The following PSD variants were observed in gnomAD, a reference collection of about 807,000 sequenced individuals.
PSD encodes the protein pleckstrin and Sec7 domain containing, also known as PH and SEC7 domain-containing protein 1.
A neutral mutation model predicts 91.6 loss-of-function variants in PSD; 32 were observed. The observed-to-expected ratio is 0.35, with a 90% CI of 0.26 to 0.47. The LOEUF (loss-of-function observed/expected upper bound fraction) is 0.47. PSD is among the 20% of genes least tolerant of loss of function. The pLI is 1.00. For missense variants in PSD, 1,099 were observed against 1,373.9 expected (o/e 0.80, Z 3.16); for synonymous variants, 532 against 569.3 (o/e 0.93, Z 0.93).
rs775237221 is a variant in PSD, at chr10:102,414,995, G to A, written c.992C>T (p.Pro331Leu). 4 of 1,604,684 alleles carry A rather than the reference G, an allele frequency of 2.5e-6. No homozygotes were observed. The highest frequency in any genetic ancestry group is 4.5e-5 in the East Asian group (2 of 44,648). The change falls in exon 4 of 17, where the codon CCT (proline) becomes CTT (leucine). Residue 331 changes from proline (P) to leucine (L), a missense_variant. Physicochemically the swap from Pro to Leu is moderately conservative, Grantham distance 98. This residue lies in a region of PSD where 631 missense variants were observed against 728.8 expected (regional missense o/e 0.87). Transcript: ENST00000020673. The surrounding 1 kb of genome is among the most constrained non-coding windows in gnomAD (Gnocchi z 5.6). ...SEGPPGTAYP[P>L]APRPGPLPGP... is the part of the protein sequence containing the mutation. ...AGGGAGTGGGCCGGGCCGTGGGGCAGGTGGGTAGGCAGTGCCTGGTGGGCC... is the reference window on the plus strand; with the variant it reads ...AGGGAGTGGGCCGGGCCGTGGGGCAAGTGGGTAGGCAGTGCCTGGTGGGCC...
chr10:102,403,747 C>G lies in PSD; in HGVS notation c.2844+95G>C, dbSNP rs1205673276. The stretch of plus-strand genomic sequence containing the variant: ...TGAGGCTTAGGTTAAGCAACCTGCC[C>G]AAGGACCTCCGGCCGGTTCCACTGT... On this transcript the variant is annotated intron_variant, in intron 16 of 16. Transcript: ENST00000020673. The surrounding 1 kb of genome is among the most constrained non-coding windows in gnomAD (Gnocchi z 6.7). 2 of 1,465,222 alleles carry G rather than the reference C, an allele frequency of 1.4e-6. No individual in the cohort carries two copies. Among genetic ancestry groups the G allele is most frequent in the African/African-American group, 2.8e-5 (2 of 71,326 alleles). 90.8% of individuals were successfully genotyped at this position (1,465,222 alleles called of 1,614,324 possible). A position where few individuals can be genotyped will look rare whatever the true frequency, so the allele number is the denominator to read the frequency against.
Position 102,405,151 on chromosome 10 carries a change from C to A in PSD, c.2397+32G>T, listed in dbSNP as rs776338647. 7 of 1,610,388 alleles carry A rather than the reference C, an allele frequency of 4.3e-6. No individual in the cohort carries two copies. Among genetic ancestry groups the A allele is most frequent in the Non-Finnish European group, 5.9e-6 (7 of 1,179,528 alleles). On this transcript the variant is annotated intron_variant, in intron 13 of 16. Coordinates refer to ENST00000020673, the MANE Select transcript of PSD (RefSeq NM_002779.5). This position sits in a 1 kb window ranked among gnomAD's most constrained non-coding sequence, Gnocchi z 5.4. ...CCCCACACCCACCAGCCAACTCAGT[C>A]CCAGCCCCAGCCCCCTGGCCTGACC...
chr10:102,418,662 C>T (rs1236960568), intron 1 of PSD, 39 bp downstream of exon 1: 2 of 453,358 alleles, frequency 4.4e-6, no homozygotes, highest in South Asian at 3.1e-5. Context: ...CCAGCGCATA[C>T]CCGGTGCAGC....
At chr10:102,418,505 T>A (rs971704931) in intron 1 of PSD, among the ~76,000 whole-genome samples, 196 bp downstream of exon 1, 49 of 152,060 alleles carry the variant, frequency 3.2e-4, no homozygotes, top group African/African-American at 1.2e-3. Context: ...CATATTCCTC[T>A]CCTCTCCCTC....
intron 7 of PSD, 56 bp downstream of exon 7, chr10:102,412,091 G>C: frequency 6.5e-7 from 1 of 1,543,696 alleles, no homozygotes; most frequent in African/African-American, 1.4e-5. Flanking sequence ...GGCATCCTGG[G>C]GCCCTAACAC....
chr10:102,417,066 G>T lies in PSD; in HGVS notation c.-28C>A. On this transcript the variant is annotated 5_prime_UTR_variant, in exon 2 of 17. Transcript: ENST00000020673. ...TGGGGCCGGGGGTCAGGCTGGGGGG[G>T]CAGGGATGGCGAGGCCAGGCGGGGA... 3 of 1,348,088 alleles carry T rather than the reference G, an allele frequency of 2.2e-6. No homozygotes were observed. The highest frequency in any genetic ancestry group is 3.0e-6 in the Non-Finnish European group (3 of 986,340). 83.5% of individuals were successfully genotyped at this position (1,348,088 alleles called of 1,614,324 possible).
intron 1 of PSD, among the ~76,000 whole-genome samples, chr10:102,418,171 C>CA (rs749426633): frequency 7.4e-6 from 1 of 134,530 alleles, no homozygotes; most frequent in Non-Finnish European, 1.7e-5. Context: ...CACACACAGA[C>CA]ACACACACAC....
Position 102,405,423 on chromosome 10 carries a change from G to A in PSD, c.2249C>T (p.Thr750Ile). The A allele has an allele frequency of 6.2e-7, 1 of 1,613,660 alleles. No homozygotes were observed. The highest frequency in any genetic ancestry group is 1.1e-5 in the South Asian group (1 of 91,066). The change falls in exon 12 of 17, where the codon ACT (threonine) becomes ATT (isoleucine). Residue 750 changes from threonine (T) to isoleucine (I), a missense_variant. This residue lies in a region of PSD where 358 missense variants were observed against 426.5 expected (regional missense o/e 0.84). Transcript: ENST00000020673. This position sits in a 1 kb window ranked among gnomAD's most constrained non-coding sequence, Gnocchi z 5.4. ...GSGSSPFLDLTPEPGAAVYKH... is the reference protein window; with the variant it reads ...GSGSSPFLDLIPEPGAAVYKH... ...GTAGACGGCAGCCCCAGGCTCGGGA[G>A]TCAGGTCCAGGAAAGGGCTGGAGCC...
chr10:102,419,297 C>T (rs993473509), upstream of PSD: 2 of 153,576 alleles, frequency 1.3e-5, no homozygotes, highest in Non-Finnish European at 2.9e-5. The surrounding 1 kb of genome is among the most constrained non-coding windows in gnomAD (Gnocchi z 4.8). Flanking sequence ...TTTTGAGTCT[C>T]GGACCCAGGA....
chr10:102,411,365 C>G (rs1169659496), intron 8 of PSD, among the ~76,000 whole-genome samples: 1 of 152,134 alleles, frequency 6.6e-6, no homozygotes, highest in African/African-American at 2.4e-5. Context: ...GTTCCCTTGC[C>G]TCTAAGCCTG....
Position 102,405,043 on chromosome 10 carries a change from G to A in PSD, c.2410C>T (p.Pro804Ser), listed in dbSNP as rs1273368755. Residue 804 changes from proline to serine, a missense_variant, in exon 14 of 17, where the codon CCT becomes TCT. Physicochemically the swap from Pro to Ser is moderately conservative, Grantham distance 74. Coordinates refer to ENST00000020673, the MANE Select transcript of PSD (RefSeq NM_002779.5). This position sits in a 1 kb window ranked among gnomAD's most constrained non-coding sequence, Gnocchi z 5.4. The stretch of plus-strand genomic sequence containing the variant: ...TCCGTCTCTGAAAGGGCCTTCCCAG[G>A]CTTGTACTCCTCCTGCAGGGGTGTC... ...ILYLQKEEYKPGKALSETELK... is the reference protein window; with the variant it reads ...ILYLQKEEYKSGKALSETELK... 1.2e-6 allele frequency: 2 copies of A among 1,613,980 alleles called. No individual in the cohort carries two copies. The highest frequency in any genetic ancestry group is 1.7e-6 in the Non-Finnish European group (2 of 1,179,942).
Position 102,416,122 on chromosome 10 carries a change from G to A in PSD, c.655-3C>T, listed in dbSNP as rs1732242821. On this transcript the variant is annotated splice_region_variant and splice_polypyrimidine_tract_variant and intron_variant, in intron 2 of 16. Transcript: ENST00000020673. This position sits in a 1 kb window ranked among gnomAD's most constrained non-coding sequence, Gnocchi z 6.0. ...CGGGGGGAGGACCAGGTATCCCCCTGAGCCAACGAGGGAGACACAGGCACC... is the reference window on the plus strand; with the variant it reads ...CGGGGGGAGGACCAGGTATCCCCCTAAGCCAACGAGGGAGACACAGGCACC... The A allele has an allele frequency of 1.2e-6, 2 of 1,607,812 alleles. No homozygotes were observed. The highest frequency in any genetic ancestry group is 1.7e-6 in the Non-Finnish European group (2 of 1,175,182).
At position 102,416,781 on chromosome 10, in the gene PSD, A is replaced by G; in HGVS notation, c.258T>C (p.Ser86=). The G allele has an allele frequency of 1.3e-6, 2 of 1,595,448 alleles. No homozygotes were observed. Among genetic ancestry groups the G allele is most frequent in the Non-Finnish European group, 8.5e-7 (1 of 1,170,248 alleles). ...CGGGTGGGGGCTGCCCAGTGGGTGA[A>G]GAGGGTGCCCAGGGTGAGGGAGCAA... ...PRVAPSPWAP[S]SPTGQPPPGA... is the part of the protein sequence containing the mutation. Residue 86 remains serine (S), a synonymous_variant, in exon 2 of 17, where the codon TCT becomes TCC. Coordinates refer to ENST00000020673, the MANE Select transcript of PSD (RefSeq NM_002779.5). This position sits in a 1 kb window ranked among gnomAD's most constrained non-coding sequence, Gnocchi z 6.0.
In PSD at chr10:102,405,020, C is replaced by G; in HGVS notation, c.2433G>C (p.Thr811=). 1 of 1,614,032 alleles carries G rather than the reference C, an allele frequency of 6.2e-7. No individual in the cohort carries two copies. The highest frequency in any genetic ancestry group is 8.5e-7 in the Non-Finnish European group (1 of 1,179,958). Residue 811 remains threonine, a synonymous_variant, in exon 14 of 17, where the codon ACG becomes ACC. Coordinates refer to ENST00000020673, the MANE Select transcript of PSD (RefSeq NM_002779.5). The surrounding 1 kb of genome is among the most constrained non-coding windows in gnomAD (Gnocchi z 5.4). ...GGATGCTGATGGCATTCTTGAGCTC[C>G]GTCTCTGAAAGGGCCTTCCCAGGCT... ...EYKPGKALSE[T]ELKNAISIHH...
rs1417831926 is a variant in PSD at position 102,414,366 on chromosome 10, G to GC, written c.1125-170dup. ...AGGGTAGGGCGCCAAGCTATTCAGT[G>GC]CCCCCTGGGGCACACCAGCCCTACC... On this transcript the variant is annotated intron_variant, in intron 4 of 16. Coordinates refer to ENST00000020673, the MANE Select transcript of PSD (RefSeq NM_002779.5). The surrounding 1 kb of genome is among the most constrained non-coding windows in gnomAD (Gnocchi z 5.6). Among the ~76,000 whole-genome samples, 1 of 151,966 alleles carries GC rather than the reference G, an allele frequency of 6.6e-6. No individual in the cohort carries two copies.
chr10:102,417,271 G>A lies in PSD; in HGVS notation c.-83-150C>T, dbSNP rs1237459936. 5 of 531,530 alleles carry A rather than the reference G, an allele frequency of 9.4e-6. No homozygotes were observed. In the South Asian group the frequency reaches 9.7e-5, roughly 10 times the overall value. The allele number at this position is 531,530 out of a possible 1,614,324, so 32.9% of individuals were successfully genotyped here. A position where few individuals can be genotyped will look rare whatever the true frequency, so the allele number is the denominator to read the frequency against. ...TATGGGATCATTGATCCCACGCCTG[G>A]GGACTACTTCCATAGAGGCCTGACG... On this transcript the variant is annotated intron_variant, in intron 1 of 16. Coordinates refer to ENST00000020673, the MANE Select transcript of PSD (RefSeq NM_002779.5).
chr10:102,410,787 T>C lies in PSD; in HGVS notation c.2091+71A>G. ...GCCCCAGCCCTGCCCTCCCTCCGAC[T>C]CTGGACTCCGTCGCCGACTGGGTCC... is the stretch of plus-strand genomic sequence containing the variant. On this transcript the variant is annotated intron_variant, in intron 10 of 16. Transcript: ENST00000020673. This position sits in a 1 kb window ranked among gnomAD's most constrained non-coding sequence, Gnocchi z 6.0. 1 of 983,092 alleles carries C rather than the reference T, an allele frequency of 1.0e-6. No homozygotes were observed. Among genetic ancestry groups the C allele is most frequent in the Non-Finnish European group, 1.6e-6 (1 of 629,112 alleles). The allele number at this position is 983,092 out of a possible 1,614,324, so 60.9% of individuals were successfully genotyped here.
In PSD at chr10:102,404,524, TGGG is replaced by T; in HGVS notation, c.2700+56_2700+58del. 1 of 1,561,012 alleles carries T rather than the reference TGGG, an allele frequency of 6.4e-7. No individual in the cohort carries two copies. Among genetic ancestry groups the T allele is most frequent in the Non-Finnish European group, 8.7e-7 (1 of 1,151,874 alleles). On this transcript the variant is annotated intron_variant, in intron 15 of 16. Transcript: ENST00000020673. This position sits in a 1 kb window ranked among gnomAD's most constrained non-coding sequence, Gnocchi z 5.7. Reference sequence around the variant, plus strand: ...TCACACGCAGCAGCCTTGAGTGCAGTGGGCCTGAGCCTAACACCCTCCATCCCA... The same window carrying T: ...TCACACGCAGCAGCCTTGAGTGCAGTCCTGAGCCTAACACCCTCCATCCCA...
chr10:102,403,435 G>T lies in PSD; in HGVS notation c.2845-5C>A, dbSNP rs1188948817. The stretch of plus-strand genomic sequence containing the variant: ...ATAGGTGCTGTAGCGGGATTTCTGA[G>T]GCAGAGGGGCAGGGGCTGTGAGAGC... On this transcript the variant is annotated splice_region_variant and splice_polypyrimidine_tract_variant and intron_variant, in intron 16 of 16. Coordinates refer to ENST00000020673, the MANE Select transcript of PSD (RefSeq NM_002779.5). This position sits in a 1 kb window ranked among gnomAD's most constrained non-coding sequence, Gnocchi z 6.7. 1 of 1,600,364 alleles carries T rather than the reference G, an allele frequency of 6.2e-7. No individual in the cohort carries two copies. The highest frequency in any genetic ancestry group is 8.5e-7 in the Non-Finnish European group (1 of 1,174,712).
Sources: allele counts gnomAD v4.1 joint callset (sites outside exome capture counted in the v4.1 genomes callset), GRCh38; gene constraint gnomAD v4.1.1; regional missense constraint gnomAD v4.1.1; non-coding constraint Gnocchi (gnomAD v3.1); transcripts MANE v1.5; gene names NCBI Gene and HGNC (gene_info 2026-07-23, HGNC 2026-07-21).